TTLL5: variants seen among roughly 807,000 people sequenced by gnomAD.
The protein encoded by TTLL5 is tubulin polyglutamylase TTLL5.
Under a neutral mutation model 168.4 loss-of-function variants are expected in TTLL5, and 132 were observed. The observed-to-expected ratio is 0.78, with a 90% CI of 0.68 to 0.91. TTLL5 has a LOEUF of 0.91. Among genes scored for constraint, TTLL5 ranks in the 40% least tolerant of loss-of-function variants. TTLL5 has a pLI of 0.00. For synonymous variants in TTLL5, 546 were observed against 558.6 expected, an observed-to-expected ratio of 0.98 and a Z score of 0.32; for missense variants, 1,545 against 1,581.5, an observed-to-expected ratio of 0.98 and a Z score of 0.39.
At chr14:75,950,974 AAAAAC>A (rs2140220920) in intron 31 of TTLL5, among the ~76,000 whole-genome samples, 1 of 152,072 alleles carries the variant, frequency 6.6e-6, no homozygotes, top group East Asian at 1.9e-4. Context: ...GTCTCAAAAA[AAAAAC>A]AAATGTGTTT....
chr14:75,938,413 TG>T (rs2034496879), intron 31 of TTLL5, among the ~76,000 whole-genome samples: 2 of 152,218 alleles, frequency 1.3e-5, no homozygotes, highest in South Asian at 4.1e-4. Context: ...GAGAGACACC[TG>T]GATATTTCAG....
intron 28 of TTLL5, among the ~76,000 whole-genome samples, chr14:75,850,076 A>G: frequency 6.6e-6 from 1 of 151,912 alleles, no homozygotes; most frequent in East Asian, 1.9e-4. Flanking sequence ...ACTACACTCT[A>G]GTCTGAGTGA....
At chr14:75,885,638 T>G (rs565882452) in intron 30 of TTLL5, among the ~76,000 whole-genome samples, 1 of 152,346 alleles carries the variant, frequency 6.6e-6, no homozygotes, top group Non-Finnish European at 1.5e-5. Flanking sequence ...GATGAAGTAA[T>G]TTTTTTAATC....
At chr14:75,844,779 A>T (rs175900) in intron 28 of TTLL5, among the ~76,000 whole-genome samples, 23,080 of 152,132 alleles carry the variant, frequency 0.15, 2,221 homozygotes, top group East Asian at 0.4. Context: ...ACCCAAACCT[A>T]ATTTTTTTTT....
intron 28 of TTLL5, among the ~76,000 whole-genome samples, chr14:75,821,602 T>C (rs1894834032): frequency 6.6e-6 from 1 of 152,188 alleles, no homozygotes; most frequent in Non-Finnish European, 1.5e-5. Flanking sequence ...TTTTTATACT[T>C]GTAGATGGAA....
At chr14:75,862,030 C>G (rs2030051902) in intron 28 of TTLL5, among the ~76,000 whole-genome samples, 1 of 152,172 alleles carries the variant, frequency 6.6e-6, no homozygotes, top group Admixed American at 6.5e-5. Flanking sequence ...TTCCATAGCC[C>G]TTGATAATCA....
rs979401709 is a variant in TTLL5, at chr14:75,872,632, G to A, written c.3522+8770G>A. On this transcript the variant is annotated intron_variant, in intron 29 of 31. Transcript: ENST00000298832. ...CATGATAAAAGGTCAATAAAAGGCC[G>A]GGTGTGGTGGCTCACACCCATAATC... 7.9e-5 allele frequency among the ~76,000 whole-genome samples: 12 copies of A among 152,084 alleles called. No homozygotes were observed. In the East Asian group the frequency reaches 9.6e-4, roughly 12 times the overall value.
At chr14:75,798,408 A>G (rs1466995592) in intron 27 of TTLL5, among the ~76,000 whole-genome samples, 6 of 146,080 alleles carry the variant, frequency 4.1e-5, no homozygotes, top group Admixed American at 1.3e-4. Flanking sequence ...AAAGAACCAG[A>G]TTTTTGTTTC....
intron 3 of TTLL5, among the ~76,000 whole-genome samples, chr14:75,673,087 C>T (rs1883867586): frequency 2.0e-5 from 3 of 151,514 alleles, no homozygotes; most frequent in African/African-American, 4.9e-5. Flanking sequence ...TGTGGGTGTA[C>T]ACCACCATGG....
At chr14:75,810,374 A>G (rs890966215) in intron 27 of TTLL5, among the ~76,000 whole-genome samples, 7 of 152,050 alleles carry the variant, frequency 4.6e-5, no homozygotes, top group African/African-American at 1.7e-4. Context: ...TTTTTGAGAC[A>G]GGATCTTGCT....
At chr14:75,687,932 C>G (rs1885187300) in intron 5 of TTLL5, among the ~76,000 whole-genome samples, 1 of 152,172 alleles carries the variant, frequency 6.6e-6, no homozygotes, top group African/African-American at 2.4e-5. Flanking sequence ...CCAGAAAACA[C>G]CAAGTGTGGG....
At chr14:75,718,692 A>G (rs925453290) in intron 10 of TTLL5, among the ~76,000 whole-genome samples, 1 of 152,238 alleles carries the variant, frequency 6.6e-6, no homozygotes, top group East Asian at 1.9e-4. Context: ...AAATCAAAGA[A>G]AGAAAGAAAT....
chr14:75,718,202 C>T (rs1385414375), intron 10 of TTLL5, among the ~76,000 whole-genome samples: 1 of 152,224 alleles, frequency 6.6e-6, no homozygotes, highest in African/African-American at 2.4e-5. Flanking sequence ...GTTTTTCTTC[C>T]TCACTGCCTT....
chr14:75,717,874 C>A lies in TTLL5; in HGVS notation c.754C>A (p.Arg252=), dbSNP rs903969742. The A allele has an allele frequency of 6.2e-7, 1 of 1,613,566 alleles. No individual in the cohort carries two copies. Among genetic ancestry groups the A allele is most frequent in the South Asian group, 1.1e-5 (1 of 91,074 alleles). The part of the protein sequence containing the change: ...EEGLARFATV[R]YDQGAKNIRN... The stretch of plus-strand genomic sequence containing the variant: ...CCCTTCTATCAGGTTTGCAACTGTG[C>A]GATATGATCAAGGAGCCAAGAACAT... Residue 252 remains arginine, a synonymous_variant, in exon 10 of 32, where the codon CGA becomes AGA. Transcript: ENST00000298832.
chr14:75,841,816 T>G (rs539237971), intron 28 of TTLL5, among the ~76,000 whole-genome samples: 1 of 152,290 alleles, frequency 6.6e-6, no homozygotes, highest in African/African-American at 2.4e-5. Context: ...TATGGAAAGA[T>G]TAGGTGGCAA....
chr14:75,813,858 A>G (rs570105484), intron 27 of TTLL5, among the ~76,000 whole-genome samples: 1 of 152,042 alleles, frequency 6.6e-6, no homozygotes, highest in Middle Eastern at 3.4e-3. Flanking sequence ...TAGGTTTTCA[A>G]CTATCTCCTG....
At chr14:75,748,281 TAAAAAAA>T (rs35811861) in intron 17 of TTLL5, among the ~76,000 whole-genome samples, 1 of 143,428 alleles carries the variant, frequency 7.0e-6, no homozygotes, top group Non-Finnish European at 1.5e-5. Context: ...AACTTTTTCT[TAAAAAAA>T]AAAAAAAAAA....
intron 7 of TTLL5, among the ~76,000 whole-genome samples, chr14:75,702,187 G>A (rs142275905): frequency 4.8e-4 from 73 of 152,370 alleles, no homozygotes; most frequent in African/African-American, 1.6e-3. Context: ...GGCATTGGCT[G>A]CAACTTCTGT....
chr14:75,704,454 G>A (rs1482565526), intron 7 of TTLL5, among the ~76,000 whole-genome samples: 1 of 152,172 alleles, frequency 6.6e-6, no homozygotes, highest in Non-Finnish European at 1.5e-5. Flanking sequence ...CAGGGCAGTT[G>A]CTTGAACCTA....
Sources: allele counts gnomAD v4.1 joint callset (sites outside exome capture counted in the v4.1 genomes callset), GRCh38; gene constraint gnomAD v4.1.1; transcripts MANE v1.5; gene names NCBI Gene and HGNC (gene_info 2026-07-23, HGNC 2026-07-21).